TRPM2: variants seen among roughly 807,000 people sequenced by gnomAD.
TRPM2 encodes estrogen-responsive element-associated gene 1 protein.
Under a neutral mutation model 174.0 loss-of-function variants are expected in TRPM2, and 161 were observed. The ratio of observed to expected loss-of-function variants is 0.93; its 90% CI spans 0.81 to 1.05. The LOEUF (loss-of-function observed/expected upper bound fraction) is 1.05, where lower values mean the gene tolerates loss of function less well. Among genes scored for constraint, TRPM2 ranks in the 50% least tolerant of loss-of-function variants. The pLI is 0.00. For missense variants in TRPM2, 2,057 were observed against 2,038.0 expected, an observed-to-expected ratio of 1.01 and a Z score of -0.18; for synonymous variants, 954 against 861.3, an observed-to-expected ratio of 1.11 and a Z score of -1.88.
intron 27 of TRPM2, among the ~76,000 whole-genome samples, chr21:44,434,419 AGGGATGCTGTCGGGGACTATGGCG>A (rs1044098352): frequency 6.6e-6 from 1 of 150,854 alleles, no homozygotes; most frequent in African/African-American, 2.5e-5. Flanking sequence ...GGACGGTGGC[AGGGATGCTGTCGGGGACTATGGCG>A]GGGATGCTGC....
In TRPM2 at chr21:44,366,526, A is replaced by G. The variant is rs45589934; in HGVS notation, c.424-228A>G. ...GGCTGGGGGAGGTTTGCTGAGGGCGATCCTGGTCCCCAAAGGATGGCCTGA... is the reference window on the plus strand; with the variant it reads ...GGCTGGGGGAGGTTTGCTGAGGGCGGTCCTGGTCCCCAAAGGATGGCCTGA... On this transcript the variant is annotated intron_variant, in intron 3 of 31. Transcript: ENST00000397928. This position sits in a 1 kb window ranked among gnomAD's most constrained non-coding sequence, Gnocchi z 6.0. Among the ~76,000 whole-genome samples, 94 of 152,200 alleles carry G rather than the reference A, an allele frequency of 6.2e-4. No homozygotes were observed. Among genetic ancestry groups the G allele is most frequent in the African/African-American group, 2.1e-3 (87 of 41,546 alleles).
chr21:44,419,098 G>A (rs760101569), intron 22 of TRPM2, among the ~76,000 whole-genome samples: 1 of 152,188 alleles, frequency 6.6e-6, no homozygotes, highest in South Asian at 2.1e-4. Context: ...GCCCTGCTAG[G>A]TGTCAGCAGG....
Position 44,439,225 on chromosome 21 carries a change from A to C in TRPM2, c.4269+57A>C. 6.6e-7 allele frequency: 1 copy of C among 1,514,250 alleles called. No homozygotes were observed. The highest frequency in any genetic ancestry group is 9.1e-7 in the Non-Finnish European group (1 of 1,094,172). 93.8% of individuals were successfully genotyped at this position (1,514,250 alleles called of 1,614,324 possible). On this transcript the variant is annotated intron_variant, in intron 30 of 31. Transcript: ENST00000397928. This position sits in a 1 kb window ranked among gnomAD's most constrained non-coding sequence, Gnocchi z 5.1. Reference sequence around the variant, plus strand: ...GTGTGTCCCCAGGGCTGCAGGACAAACACAGTGTGATACTGGGGACCTGCC... The same window carrying C: ...GTGTGTCCCCAGGGCTGCAGGACAACCACAGTGTGATACTGGGGACCTGCC...
At chr21:44,426,840 G>T in intron 26 of TRPM2, 104 bp downstream of exon 26, 2 of 1,476,800 alleles carry the variant, frequency 1.4e-6, no homozygotes, top group Admixed American at 1.8e-5. Context: ...GGAGGTCCAG[G>T]TGAGCAGGAG....
chr21:44,431,378 A>G (rs975819280), intron 27 of TRPM2, among the ~76,000 whole-genome samples: 4 of 151,084 alleles, frequency 2.6e-5, no homozygotes, highest in Non-Finnish European at 4.4e-5. Flanking sequence ...GGCTCAAGCT[A>G]TCCTCCTGCC....
At chr21:44,414,215 G>A (rs928699928) in intron 20 of TRPM2, 141 bp downstream of exon 20, 3 of 1,139,148 alleles carry the variant, frequency 2.6e-6, no homozygotes, top group Non-Finnish European at 3.8e-6. Flanking sequence ...ATATCCTGGT[G>A]GAGTGTGCAC....
intron 11 of TRPM2, among the ~76,000 whole-genome samples, chr21:44,393,960 C>T (rs1246277432): frequency 6.6e-6 from 1 of 152,216 alleles, no homozygotes; most frequent in East Asian, 1.9e-4. Context: ...GCAACCTCTG[C>T]CTCCTGGGTT....
In TRPM2 at chr21:44,391,494, C is replaced by T. The variant is rs960743509; in HGVS notation, c.1663C>T (p.Arg555Cys). The change falls in exon 11 of 32, where the codon CGC becomes TGC. Residue 555 changes from arginine to cysteine, a missense_variant. Arg to Cys is a radical substitution (Grantham distance 180). Coordinates refer to ENST00000397928, the MANE Select transcript of TRPM2 (RefSeq NM_003307.4). The surrounding 1 kb of genome is among the most constrained non-coding windows in gnomAD (Gnocchi z 5.0). ...ERPACAPAAP[R>C]LQMHHVAQVL... ...CCCGGCTTGCGCGCCCGCGGCGCCC[C>T]GCCTGCAGATGCACCACGTGGCCCA... 6.8e-6 allele frequency: 11 copies of T among 1,610,888 alleles called. No individual in the cohort carries two copies. Among genetic ancestry groups the T allele is most frequent in the East Asian group, 2.2e-5 (1 of 44,860 alleles).
chr21:44,362,576 A>G (rs1323404961), intron 2 of TRPM2, among the ~76,000 whole-genome samples: 1 of 151,954 alleles, frequency 6.6e-6, no homozygotes, highest in Non-Finnish European at 1.5e-5. Flanking sequence ...TGCTTCAGCC[A>G]TCAAACATCA....
chr21:44,351,800 G>T (rs2122998069), upstream of TRPM2, among the ~76,000 whole-genome samples: 1 of 152,324 alleles, frequency 6.6e-6, no homozygotes, highest in East Asian at 1.9e-4. Flanking sequence ...GCAAAGTCGG[G>T]TGGTGCTGGA....
chr21:44,439,027 C>T lies in TRPM2; in HGVS notation c.4168-40C>T, dbSNP rs372734135. 51 of 1,561,868 alleles carry T rather than the reference C, an allele frequency of 3.3e-5. No homozygotes were observed. The highest frequency in any genetic ancestry group is 5.0e-5 in the Admixed American group (3 of 59,442). On this transcript the variant is annotated intron_variant, in intron 29 of 31. Coordinates refer to ENST00000397928, the MANE Select transcript of TRPM2 (RefSeq NM_003307.4). The surrounding 1 kb of genome is among the most constrained non-coding windows in gnomAD (Gnocchi z 5.1). ...GCCAGGGCAGCCTGAGGTCCCGCTTCGGTGCCCTGTTGACCTGCCTCCGTC... is the reference window on the plus strand; with the variant it reads ...GCCAGGGCAGCCTGAGGTCCCGCTTTGGTGCCCTGTTGACCTGCCTCCGTC...
rs546426436 is a variant in TRPM2, at chr21:44,438,609, C to T, written c.4168-458C>T. On this transcript the variant is annotated intron_variant, in intron 29 of 31. Coordinates refer to ENST00000397928, the MANE Select transcript of TRPM2 (RefSeq NM_003307.4). The surrounding 1 kb of genome is among the most constrained non-coding windows in gnomAD (Gnocchi z 5.9). ...CTGGGTCCCTGAGTCAGGTGGCGCT[C>T]GGGAGCGTCTGGGAGCCCAGCCAGC... Among the ~76,000 whole-genome samples, 200 of 151,988 alleles carry T rather than the reference C, an allele frequency of 1.3e-3. No individual in the cohort carries two copies. Among genetic ancestry groups the T allele is most frequent in the Non-Finnish European group, 2.3e-3 (159 of 67,962 alleles).
chr21:44,375,967 G>A lies in TRPM2; in HGVS notation c.906G>A (p.Arg302=), dbSNP rs1569033001. The change falls in exon 6 of 32, where the codon AGG becomes AGA. Residue 302 remains arginine, a synonymous_variant. Coordinates refer to ENST00000397928, the MANE Select transcript of TRPM2 (RefSeq NM_003307.4). Reference sequence around the variant, plus strand: ...AGTACGGGGTGGAGATTCCTCTGAGGACCAGGCTGGAGAAGTTCATATCGG... The same window carrying A: ...AGTACGGGGTGGAGATTCCTCTGAGAACCAGGCTGGAGAAGTTCATATCGG... The part of the protein sequence containing the change: ...HGQYGVEIPL[R]TRLEKFISEQ... 6.2e-7 allele frequency: 1 copy of A among 1,614,078 alleles called. No homozygotes were observed. The highest frequency in any genetic ancestry group is 8.5e-7 in the Non-Finnish European group (1 of 1,179,992).
intron 18 of TRPM2, 151 bp from the exon 19 acceptor site, chr21:44,406,443 G>T: frequency 1.1e-5 from 10 of 941,910 alleles, no homozygotes; most frequent in Non-Finnish European, 1.5e-5. Flanking sequence ...GAGGGTGTGG[G>T]GGCAGCCCCA....
At chr21:44,353,935 T>C (rs2047983674) in intron 1 of TRPM2, 70 bp downstream of exon 1, 1 of 1,527,440 alleles carries the variant, frequency 6.5e-7, no homozygotes, top group South Asian at 1.3e-5. Flanking sequence ...AGGTCATAGC[T>C]TGAGGCTGTG....
rs548936037 is a variant in TRPM2 at position 44,374,200 on chromosome 21, G to A, written c.772-1633G>A. Among the ~76,000 whole-genome samples the A allele has an allele frequency of 1.3e-3, 199 of 151,902 alleles. 1 individual carries two copies. The highest frequency in any genetic ancestry group is 2.5e-3 in the Non-Finnish European group (170 of 67,950). The stretch of plus-strand genomic sequence containing the variant: ...TAATTTTTGTATTTTTAGTACAGAC[G>A]GGGTTTCACCATGTTGGCCAGGCTG... On this transcript the variant is annotated intron_variant, in intron 5 of 31. Coordinates refer to ENST00000397928, the MANE Select transcript of TRPM2 (RefSeq NM_003307.4).
chr21:44,379,241 G>A (rs760873226), intron 8 of TRPM2, 44 bp downstream of exon 8: 3 of 1,595,506 alleles, frequency 1.9e-6, no homozygotes, highest in South Asian at 1.1e-5. Context: ...TGGCTGCTTT[G>A]CAGAGACACT....
chr21:44,392,907 A>G (rs557608052), intron 11 of TRPM2, among the ~76,000 whole-genome samples: 2 of 152,020 alleles, frequency 1.3e-5, no homozygotes, highest in Non-Finnish European at 2.9e-5. Context: ...GCTGTGGGAG[A>G]GTGGATGCTG....
chr21:44,370,887 G>A (rs943074586), intron 5 of TRPM2, among the ~76,000 whole-genome samples: 1 of 152,184 alleles, frequency 6.6e-6, no homozygotes, highest in Non-Finnish European at 1.5e-5. Context: ...TGACACCACT[G>A]TTGGTGGCGG....
Sources: allele counts gnomAD v4.1 joint callset (sites outside exome capture counted in the v4.1 genomes callset), GRCh38; gene constraint gnomAD v4.1.1; non-coding constraint Gnocchi (gnomAD v3.1); transcripts MANE v1.5; gene names NCBI Gene and HGNC (gene_info 2026-07-23, HGNC 2026-07-21).